The following NT5DC4 variants were observed in gnomAD, a reference collection of about 807,000 sequenced individuals.
NT5DC4 encodes the protein 5'-nucleotidase domain containing 4.
Under a neutral mutation model 26.6 loss-of-function variants are expected in NT5DC4, and 44 were observed. The ratio of observed to expected loss-of-function variants is 1.65; its 90% confidence interval spans 1.30 to 2.13. The LOEUF (loss-of-function observed/expected upper bound fraction) is 2.13, where lower values mean the gene tolerates loss of function less well. Ranked by LOEUF, NT5DC4 falls within the 30% of genes most tolerant of loss-of-function variation. NT5DC4 has a pLI of 0.00. For synonymous variants in NT5DC4, 157 were observed against 86.7 expected (o/e 1.81, Z -4.51); for missense variants, 399 against 228.1 (o/e 1.75, Z -4.83).
At chr2:112,739,804 G>A (rs1679750692), downstream of NT5DC4, among the ~76,000 whole-genome samples, 1 of 152,152 alleles carries the variant, frequency 6.6e-6, no homozygotes. Flanking sequence ...ACAAACGTAT[G>A]CCAGCATGCC....
chr2:112,739,212 G>C (rs1679666213), downstream of NT5DC4, among the ~76,000 whole-genome samples: 2 of 152,078 alleles, frequency 1.3e-5, no homozygotes, highest in South Asian at 2.1e-4. Context: ...CTTTTTCTAG[G>C]AGTTCGAGAC....
downstream of NT5DC4, chr2:112,742,389 G>A (rs1158500774): frequency 1.4e-6 from 1 of 717,456 alleles, no homozygotes; most frequent in South Asian, 1.5e-5. Flanking sequence ...TGTAACTTAA[G>A]GCATTTCTCC....
intron 10 of NT5DC4, 127 bp downstream of exon 10, chr2:112,724,253 G>C (rs528939450): frequency 1.4e-6 from 1 of 692,880 alleles, no homozygotes; most frequent in East Asian, 2.7e-5. Flanking sequence ...CTGAGTGTGT[G>C]AGTGGTCATT....
At chr2:112,721,739 T>A in intron 1 of NT5DC4, 79 bp from the exon 2 acceptor site, 1 of 716,636 alleles carries the variant, frequency 1.4e-6, no homozygotes, top group South Asian at 1.5e-5. Context: ...CTCTGCGGGG[T>A]TTCCACCCCC....
chr2:112,727,833 C>T (rs1246879513), intron 15 of NT5DC4, among the ~76,000 whole-genome samples: 3 of 152,164 alleles, frequency 2.0e-5, no homozygotes, highest in Non-Finnish European at 2.9e-5. Flanking sequence ...TGCTACAGCA[C>T]CATGGGCAGC....
intron 15 of NT5DC4, 115 bp from the exon 16 acceptor site, chr2:112,729,512 T>A (rs1177363528): frequency 1.5e-6 from 1 of 668,686 alleles, no homozygotes; most frequent in Non-Finnish European, 2.8e-6. Flanking sequence ...TGCAGCAACA[T>A]CGTTGGGCAG....
At chr2:112,719,840 T>TTCCTTCCCTCCCTCCCTCCCTCCC (rs763010206), upstream of NT5DC4, among the ~76,000 whole-genome samples, 1 of 78,334 alleles carries the variant, frequency 1.3e-5, no homozygotes. Context: ...CCTTCCTTCC[T>TTCCTTCCCTCCCTCCCTCCCTCCC]TCCCTCCCTC....
intron 16 of NT5DC4, chr2:112,738,587 C>T: frequency 1.9e-6 from 1 of 517,410 alleles, no homozygotes; most frequent in Non-Finnish European, 3.4e-6. Flanking sequence ...GGTAAATATT[C>T]AAAAGTTTGA....
upstream of NT5DC4, among the ~76,000 whole-genome samples, chr2:112,719,930 C>CTT (rs1450152681): frequency 3.0e-4 from 14 of 47,174 alleles, no homozygotes; most frequent in African/African-American, 1.2e-3. Context: ...CTTTCTCTTT[C>CTT]TTTCTTTCTT....
upstream of NT5DC4, among the ~76,000 whole-genome samples, chr2:112,719,231 G>T (rs1676615707): frequency 6.6e-6 from 1 of 152,206 alleles, no homozygotes; most frequent in Non-Finnish European, 1.5e-5. Context: ...CTAAGCCATA[G>T]GAGTTGTTGA....
In NT5DC4 at chr2:112,722,235, G is replaced by A. The variant is rs748962681; in HGVS notation, c.319G>A (p.Gly107Arg). Residue 107 changes from glycine (G) to arginine (R), a missense_variant, in exon 4 of 17, where the codon GGG becomes AGG. Gly to Arg is a moderately radical substitution (Grantham distance 125, BLOSUM62 -2). Transcript: ENST00000688554. ...YGNLLKVDAH[G>R]NVLLGAYGFT... ...GAACCTGCTGAAGGTGGACGCCCAC[G>A]GGAATGTGCTGCTGGGTGCCTATGG... The A allele has an allele frequency of 1.5e-4, 109 of 716,924 alleles. No individual in the cohort carries two copies. In the African/African-American group the frequency reaches 1.5e-3, roughly 10 times the overall value. 44.4% of individuals were successfully genotyped at this position (716,924 alleles called of 1,614,324 possible).
chr2:112,722,937 T>A (rs1677128481), intron 6 of NT5DC4, 144 bp from the exon 7 acceptor site: 1 of 356,616 alleles, frequency 2.8e-6, no homozygotes, highest in Non-Finnish European at 5.0e-6. Flanking sequence ...TAGCTCTGGG[T>A]GATGCCCCTC....
chr2:112,725,198 ACCTACACAGGGC>A lies in NT5DC4; in HGVS notation c.943_954del (p.Tyr315_Pro318del), dbSNP rs1419999154. The A allele has an allele frequency of 2.8e-6, 2 of 715,850 alleles. No individual in the cohort carries two copies. The highest frequency in any genetic ancestry group is 3.5e-5 in the African/African-American group (2 of 57,164). The allele number at this position is 715,850 out of a possible 1,614,324, so 44.3% of individuals were successfully genotyped here. ...GGACTCAGGAAAGCTCCACGTGGGC[ACCTACACAGGGC>A]CCCACCAGCACTGTGCTGTCTACTC... On this transcript the variant is annotated inframe_deletion, in exon 12 of 17. Transcript: ENST00000688554.
upstream of NT5DC4, among the ~76,000 whole-genome samples, chr2:112,719,952 TTC>T (rs1178960775): frequency 5.6e-5 from 7 of 124,154 alleles, no homozygotes; most frequent in African/African-American, 1.9e-4. Context: ...CTTTCTTTCT[TTC>T]TTTCTTTCTT....
At chr2:112,733,478 C>T (rs926910239) in intron 16 of NT5DC4, among the ~76,000 whole-genome samples, 2 of 152,216 alleles carry the variant, frequency 1.3e-5, no homozygotes, top group African/African-American at 4.8e-5. Flanking sequence ...CCCCTAAATT[C>T]TGGACAGAAG....
chr2:112,739,694 G>A (rs2104845271), downstream of NT5DC4, among the ~76,000 whole-genome samples: 1 of 152,276 alleles, frequency 6.6e-6, no homozygotes, highest in Non-Finnish European at 1.5e-5. Context: ...TCACTCTGTT[G>A]CCCAGGCTAG....
At chr2:112,735,488 C>T (rs537721292) in intron 16 of NT5DC4, among the ~76,000 whole-genome samples, 14 of 121,700 alleles carry the variant, frequency 1.2e-4, no homozygotes, top group Admixed American at 6.2e-4. Flanking sequence ...ATCCTCCCCC[C>T]CCTTTTTTTC....
upstream of NT5DC4, among the ~76,000 whole-genome samples, chr2:112,719,930 CTTTCTT>C (rs879286523): frequency 0.028 from 1,315 of 47,154 alleles, 60 homozygotes; most frequent in Admixed American, 0.14. Flanking sequence ...CTTTCTCTTT[CTTTCTT>C]TCTTTCTTTC....
chr2:112,719,956 TTCTTTCTTTCTTTCTTTC>T (rs1676717359), upstream of NT5DC4, among the ~76,000 whole-genome samples: 2 of 127,426 alleles, frequency 1.6e-5, no homozygotes, highest in Non-Finnish European at 3.3e-5. Flanking sequence ...CTTTCTTTCT[TTCTTTCTTTCTTTCTTTC>T]TTTCTTTCTT....
Sources: gnomAD v4.1 joint callset for allele counts (sites outside exome capture counted in the v4.1 genomes callset) on GRCh38, gnomAD v4.1.1 for gene constraint, MANE v1.5 for transcripts, NCBI Gene and HGNC (gene_info 2026-07-23, HGNC 2026-07-21) for gene names.